The following CRNN variants were observed in gnomAD, a reference collection of about 807,000 sequenced individuals.
CRNN encodes the protein 53 kDa putative calcium-binding protein.
CRNN carries 39 observed loss-of-function variants against 44.7 expected under a neutral mutation model. The ratio of observed to expected loss-of-function variants is 0.87; its 90% CI spans 0.68 to 1.14. The LOEUF (loss-of-function observed/expected upper bound fraction) is 1.14, where lower values mean the gene tolerates loss of function less well. Among genes scored for constraint, CRNN ranks in the 50% most tolerant of loss-of-function variants. The probability of loss-of-function intolerance (pLI) is 0.00; values close to 1 mark genes in which losing one functional copy is unlikely to be tolerated. For missense variants in CRNN, 606 were observed against 605.1 expected, an observed-to-expected ratio of 1.00 and a Z score of -0.02; for synonymous variants, 240 against 231.8, an observed-to-expected ratio of 1.04 and a Z score of -0.32.
In CRNN at chr1:152,412,090, C is replaced by G. The variant is rs754089838; in HGVS notation, c.138+6G>C. 10 of 1,602,426 alleles carry G rather than the reference C, an allele frequency of 6.2e-6. No homozygotes were observed. In the East Asian group the frequency reaches 2.2e-4, roughly 36 times the overall value. ...TCCCCTCTCCACCCGGCTCAGCACA[C>G]CGTACCACAATCACATCGGCAAACT... On this transcript the variant is annotated splice_donor_region_variant and intron_variant, in intron 2 of 2. Transcript: ENST00000271835.
At chr1:152,414,021 A>G (rs1323381638) in intron 1 of CRNN, among the ~76,000 whole-genome samples, 193 bp downstream of exon 1, 2 of 152,268 alleles carry the variant, frequency 1.3e-5, no homozygotes, top group Non-Finnish European at 2.9e-5. Context: ...AGCTGCTCCC[A>G]GGCCAGCCTC....
chr1:152,410,381 G>A lies in CRNN; in HGVS notation c.701C>T (p.Thr234Ile), dbSNP rs778260284. Reference sequence around the variant, plus strand: ...CACAGTCTGGGTGGCACCTGCCTGGGTCTGAGTTCCAGATCCAGTCACAGT... The same window carrying A: ...CACAGTCTGGGTGGCACCTGCCTGGATCTGAGTTCCAGATCCAGTCACAGT... ...GETVTGSGTQ[T>I]QAGATQTVEQ... is the part of the protein sequence containing the mutation. Residue 234 changes from threonine (T) to isoleucine (I), a missense_variant, in exon 3 of 3, where the codon ACC (threonine) becomes ATC (isoleucine). Transcript: ENST00000271835. 6.2e-7 allele frequency: 1 copy of A among 1,614,124 alleles called. No individual in the cohort carries two copies. The highest frequency in any genetic ancestry group is 2.2e-5 in the East Asian group (1 of 44,878).
At position 152,410,713 on chromosome 1, in the gene CRNN, C is replaced by T. The variant is rs1262488178; in HGVS notation, c.369G>A (p.Val123=). ...AATGCTGCCCTTTCCCCGCCCTTCCCACTTCAGTGCCACTTCTCTGTCCTT... is the reference window on the plus strand; with the variant it reads ...AATGCTGCCCTTTCCCCGCCCTTCCTACTTCAGTGCCACTTCTCTGTCCTT... ...LGEGQRSGTE[V]GRAGKGQHYE... Residue 123 remains valine (V), a synonymous_variant, in exon 3 of 3, where the codon GTG becomes GTA. Transcript: ENST00000271835. 2 of 1,614,098 alleles carry T rather than the reference C, an allele frequency of 1.2e-6. No homozygotes were observed. Among genetic ancestry groups the T allele is most frequent in the South Asian group, 1.1e-5 (1 of 91,068 alleles).
rs772064354 is a variant in CRNN at position 152,409,764 on chromosome 1, C to T, written c.1318G>A (p.Glu440Lys). Residue 440 changes from glutamate to lysine, a missense_variant, in exon 3 of 3, where the codon GAG becomes AAG. Physicochemically the swap from Glu to Lys is moderately conservative, Grantham distance 56 (BLOSUM62 1). Transcript: ENST00000271835. The stretch of plus-strand genomic sequence containing the variant: ...CTTGAGTGGTCATCAACCCATTCCT[C>T]ACCAACCACTGTGGGCTGTCTGTCT... ...QGDRQPTVVG[E>K]EWVDDHSRET... 1.1e-5 allele frequency: 18 copies of T among 1,614,110 alleles called. No homozygotes were observed. Among genetic ancestry groups the T allele is most frequent in the South Asian group, 1.1e-5 (1 of 91,084 alleles).
chr1:152,411,846 GC>G (rs1655776367), intron 2 of CRNN, among the ~76,000 whole-genome samples: 1 of 152,130 alleles, frequency 6.6e-6, no homozygotes, highest in Non-Finnish European at 1.5e-5. Context: ...TCCTTTTAGA[GC>G]CCTTTTACCT....
chr1:152,412,382 G>A, intron 1 of CRNN, 136 bp from the exon 2 acceptor site: 1 of 866,206 alleles, frequency 1.2e-6, no homozygotes, highest in Non-Finnish European at 1.7e-6. Context: ...CCTACATAAT[G>A]CATCTTATGT....
At chr1:152,413,943 C>A (rs1426029551) in intron 1 of CRNN, among the ~76,000 whole-genome samples, 2 of 152,224 alleles carry the variant, frequency 1.3e-5, no homozygotes, top group Admixed American at 6.5e-5. Flanking sequence ...AAAAAGAAAC[C>A]TTTGCTGATC....
chr1:152,410,907 G>T lies in CRNN; in HGVS notation c.175C>A (p.Arg59Ser). 1 of 1,613,030 alleles carries T rather than the reference G, an allele frequency of 6.2e-7. No homozygotes were observed. The highest frequency in any genetic ancestry group is 8.5e-7 in the Non-Finnish European group (1 of 1,179,622). The change falls in exon 3 of 3, where the codon CGT becomes AGT. Residue 59 changes from arginine to serine, a missense_variant. Physicochemically the swap from Arg to Ser is moderately radical, Grantham distance 110 (BLOSUM62 -1). Transcript: ENST00000271835. ...CCTGTGTGGTCTTCATCCAGCAGAC[G>T]CAGGACCTCATCCACAGTTGCTGGA... is the stretch of plus-strand genomic sequence containing the variant. ...HDPATVDEVL[R>S]LLDEDHTGTV...
intron 2 of CRNN, 34 bp downstream of exon 2, chr1:152,412,062 A>C: frequency 1.3e-6 from 2 of 1,570,938 alleles, no homozygotes; most frequent in Non-Finnish European, 1.7e-6. Flanking sequence ...CTCTCCTGCT[A>C]TGTCCCCTCT....
chr1:152,410,439 T>C lies in CRNN; in HGVS notation c.643A>G (p.Arg215Gly). 6.2e-7 allele frequency: 1 copy of C among 1,614,216 alleles called. No individual in the cohort carries two copies. The highest frequency in any genetic ancestry group is 8.5e-7 in the Non-Finnish European group (1 of 1,180,050). The change falls in exon 3 of 3, where the codon AGG becomes GGG. Residue 215 changes from arginine (R) to glycine (G), a missense_variant. Coordinates refer to ENST00000271835, the MANE Select transcript of CRNN (RefSeq NM_016190.3). ...GTCTGGTGGGCTCTGTCCTGTTCCC[T>C]GGTCTGTGGCTGTCTCTCTGGCCTC... ...EMRPERQPQT[R>G]EQDRAHQTGE...
At chr1:152,412,344 C>T in intron 1 of CRNN, 98 bp from the exon 2 acceptor site, 3 of 1,280,616 alleles carry the variant, frequency 2.3e-6, no homozygotes, top group Non-Finnish European at 3.3e-6. Context: ...GCACGTTCAG[C>T]TCTGTTTTTA....
Position 152,410,916 on chromosome 1 carries a change from C to T in CRNN, c.166G>A (p.Glu56Lys), listed in dbSNP as rs1469640842. The change falls in exon 3 of 3, where the codon GAG becomes AAG. Residue 56 changes from glutamate (E) to lysine (K), a missense_variant. Glu to Lys is a moderately conservative substitution (Grantham distance 56). Transcript: ENST00000271835. Reference protein sequence around the residue: ...VKPHDPATVDEVLRLLDEDHT... With the variant: ...VKPHDPATVDKVLRLLDEDHT... ...TCTTCATCCAGCAGACGCAGGACCT[C>T]ATCCACAGTTGCTGGATCGTGGGGT... The T allele has an allele frequency of 5.6e-6, 9 of 1,611,926 alleles. No individual in the cohort carries two copies. Among genetic ancestry groups the T allele is most frequent in the African/African-American group, 1.3e-5 (1 of 74,858 alleles).
In CRNN at chr1:152,409,694, C is replaced by A. The variant is rs765672629; in HGVS notation, c.1388G>T (p.Ser463Ile). The change falls in exon 3 of 3, where the codon AGT becomes ATT. Residue 463 changes from serine (S) to isoleucine (I), a missense_variant. By Grantham distance (142) the Ser-to-Ile change is moderately radical. Transcript: ENST00000271835. ...LRLDQGNLHT[S>I]VSSAQGQDAA... ...ATCCTGGCCCTGTGCTGAGGAAACA[C>A]TGGTATGCAAGTTGCCCTGGTCCAG... 1 of 1,614,222 alleles carries A rather than the reference C, an allele frequency of 6.2e-7. No individual in the cohort carries two copies. The highest frequency in any genetic ancestry group is 1.7e-5 in the Admixed American group (1 of 60,028).
chr1:152,410,411 C>G lies in CRNN; in HGVS notation c.671G>C (p.Gly224Ala), dbSNP rs954213376. The change falls in exon 3 of 3, where the codon GGT becomes GCT. Residue 224 changes from glycine to alanine, a missense_variant. Coordinates refer to ENST00000271835, the MANE Select transcript of CRNN (RefSeq NM_016190.3). ...TREQDRAHQTGETVTGSGTQT... is the reference protein window; with the variant it reads ...TREQDRAHQTAETVTGSGTQT... The stretch of plus-strand genomic sequence containing the variant: ...AGTTCCAGATCCAGTCACAGTCTCA[C>G]CTGTCTGGTGGGCTCTGTCCTGTTC... 6 of 1,614,178 alleles carry G rather than the reference C, an allele frequency of 3.7e-6. No homozygotes were observed. Among genetic ancestry groups the G allele is most frequent in the South Asian group, 1.1e-5 (1 of 91,074 alleles).
chr1:152,413,298 A>G (rs1332882568), intron 1 of CRNN, among the ~76,000 whole-genome samples: 1 of 152,218 alleles, frequency 6.6e-6, no homozygotes, highest in Non-Finnish European at 1.5e-5. Context: ...GTTTGGTTGC[A>G]TGAGCAAAAG....
chr1:152,411,684 C>T (rs1655771615), intron 2 of CRNN, among the ~76,000 whole-genome samples: 1 of 152,084 alleles, frequency 6.6e-6, no homozygotes. Flanking sequence ...TCGTGCAAGC[C>T]CAGAGCTATG....
Position 152,412,208 on chromosome 1 carries a change from T to C in CRNN, c.26A>G (p.Asn9Ser). 6.2e-7 allele frequency: 1 copy of C among 1,611,872 alleles called. No individual in the cohort carries two copies. The highest frequency in any genetic ancestry group is 8.5e-7 in the Non-Finnish European group (1 of 1,178,126). MPQLLQNI[N>S]GIIEAFRRYA... ...GCGCCTGAAGGCCTCGATGATCCCA[T>C]TAATGTTTTGCAGTAACTGAGGCAT... The change falls in exon 2 of 3, where the codon AAT becomes AGT. Residue 9 changes from asparagine (N) to serine (S), a missense_variant. Physicochemically the swap from Asn to Ser is conservative, Grantham distance 46. Coordinates refer to ENST00000271835, the MANE Select transcript of CRNN (RefSeq NM_016190.3).
At chr1:152,414,184 G>T (rs1176085602) in intron 1 of CRNN, 30 bp downstream of exon 1, 3 of 152,504 alleles carry the variant, frequency 2.0e-5, no homozygotes, top group African/African-American at 7.2e-5. Context: ...CACTGAGAAT[G>T]AGAAAGAGGT....
intron 1 of CRNN, among the ~76,000 whole-genome samples, chr1:152,413,638 T>A (rs1655832100): frequency 6.6e-6 from 1 of 152,250 alleles, no homozygotes; most frequent in South Asian, 2.1e-4. Context: ...AAACTGGGGA[T>A]GTTTTCCTCA....
Sources: allele counts gnomAD v4.1 joint callset (sites outside exome capture counted in the v4.1 genomes callset), GRCh38; gene constraint gnomAD v4.1.1; transcripts MANE v1.5; gene names NCBI Gene and HGNC (gene_info 2026-07-23, HGNC 2026-07-21).